Variants in GALNT13 observed in about 807,000 individuals in gnomAD.
GALNT13 encodes the protein polypeptide N-acetylgalactosaminyltransferase 13.
Under a neutral mutation model 64.2 loss-of-function variants are expected in GALNT13, and 28 were observed. The observed-to-expected ratio is 0.44, with a 90% confidence interval of 0.32 to 0.60. The LOEUF is 0.60. GALNT13 is among the 20% of genes least tolerant of loss of function. GALNT13 has a pLI of 0.05. For missense variants in GALNT13, 577 were observed against 669.8 expected (o/e 0.86, Z 1.53); for synonymous variants, 214 against 224.6 (o/e 0.95, Z 0.42).
intron 1 of GALNT13, among the ~76,000 whole-genome samples, chr2:153,895,466 T>C (rs1017917555): frequency 1.3e-5 from 2 of 152,174 alleles, no homozygotes; most frequent in Admixed American, 1.3e-4. Context: ...ATTTCAGTGT[T>C]ACCTTTTTGT....
At chr2:153,702,263 C>T in the GALNT13 span, among the ~76,000 whole-genome samples, 2 of 152,114 alleles carry the variant, frequency 1.3e-5, no homozygotes, top group Non-Finnish European at 2.9e-5. Flanking sequence ...CCAAACACCA[C>T]ATATTCTCAC....
chr2:153,309,135 A>C, the GALNT13 span, among the ~76,000 whole-genome samples: 5 of 152,146 alleles, frequency 3.3e-5, no homozygotes, highest in African/African-American at 1.2e-4. Context: ...TTCTGAAGCT[A>C]TTATCAGAGA....
At chr2:153,685,406 C>G in the GALNT13 span, among the ~76,000 whole-genome samples, 2 of 152,050 alleles carry the variant, frequency 1.3e-5, no homozygotes, top group African/African-American at 2.4e-5. Flanking sequence ...TTGCATTTCT[C>G]TAATGATCAG....
At chr2:153,206,506 A>T in the GALNT13 span, among the ~76,000 whole-genome samples, 3 of 152,056 alleles carry the variant, frequency 2.0e-5, no homozygotes, top group African/African-American at 7.2e-5. Flanking sequence ...TTAGTTCCAG[A>T]TATTCATAGT....
the GALNT13 span, among the ~76,000 whole-genome samples, chr2:153,278,531 A>G: frequency 5.9e-5 from 9 of 152,190 alleles, 1 homozygote; most frequent in Middle Eastern, 3.4e-3. Flanking sequence ...GAATTTTCGT[A>G]TATAGTGAAA....
chr2:153,531,690 G>A, the GALNT13 span, among the ~76,000 whole-genome samples: 2 of 152,070 alleles, frequency 1.3e-5, no homozygotes, highest in South Asian at 2.1e-4. Context: ...TTGCCTATGA[G>A]CCTGTAAAAT....
the GALNT13 span, among the ~76,000 whole-genome samples, chr2:153,441,088 A>G: frequency 6.6e-6 from 1 of 152,122 alleles, no homozygotes; most frequent in Non-Finnish European, 1.5e-5. Flanking sequence ...TAGGTTTTGC[A>G]TTGAAGTCTT....
chr2:154,416,992 T>C (rs1014006200), intron 11 of GALNT13, among the ~76,000 whole-genome samples: 2 of 152,182 alleles, frequency 1.3e-5, no homozygotes, highest in African/African-American at 4.8e-5. Context: ...CTTTCATCTT[T>C]TACATTTTTC....
chr2:153,633,354 T>G, the GALNT13 span, among the ~76,000 whole-genome samples: 1 of 152,174 alleles, frequency 6.6e-6, no homozygotes, highest in Non-Finnish European at 1.5e-5. Flanking sequence ...AAGCTACACA[T>G]AAAATAAGAC....
At chr2:154,022,030 G>A (rs1450682288) in intron 3 of GALNT13, among the ~76,000 whole-genome samples, 3 of 152,130 alleles carry the variant, frequency 2.0e-5, no homozygotes, top group Admixed American at 6.5e-5. Flanking sequence ...TGTTGAACCA[G>A]CCTTGCATCC....
At chr2:153,772,003 TC>T in the GALNT13 span, among the ~76,000 whole-genome samples, 1 of 152,148 alleles carries the variant, frequency 6.6e-6, no homozygotes, top group African/African-American at 2.4e-5. Context: ...AAGTCACAAA[TC>T]TGTCTCTGGC....
At chr2:154,168,855 TA>T (rs1685188602) in intron 4 of GALNT13, among the ~76,000 whole-genome samples, 1 of 151,252 alleles carries the variant, frequency 6.6e-6, no homozygotes, top group Admixed American at 6.6e-5. Flanking sequence ...AATAAATAAA[TA>T]AAAAAGAGAA....
chr2:154,029,320 A>G lies in GALNT13; in HGVS notation c.142+84681A>G, dbSNP rs79424900. On this transcript the variant is annotated intron_variant, in intron 3 of 12. Coordinates refer to ENST00000392825, the MANE Select transcript of GALNT13 (RefSeq NM_052917.4). Reference sequence around the variant, plus strand: ...CCTGGATCCTTCTCCCCTTCCCCCTACAGAAGAAAAGCCTTAAACTGCTAA... The same window carrying G: ...CCTGGATCCTTCTCCCCTTCCCCCTGCAGAAGAAAAGCCTTAAACTGCTAA... 3.3e-3 allele frequency among the ~76,000 whole-genome samples: 505 copies of G among 151,984 alleles called. 1 individual carries two copies. Among genetic ancestry groups the G allele is most frequent in the African/African-American group, 0.012 (482 of 41,484 alleles).
At chr2:154,229,381 T>A (rs1213040483) in intron 4 of GALNT13, among the ~76,000 whole-genome samples, 1 of 151,726 alleles carries the variant, frequency 6.6e-6, no homozygotes, top group East Asian at 1.9e-4. Flanking sequence ...TTTTAAAAAT[T>A]CTATGGGTGA....
At chr2:154,407,370 A>G (rs1036620078) in intron 10 of GALNT13, among the ~76,000 whole-genome samples, 1 of 152,154 alleles carries the variant, frequency 6.6e-6, no homozygotes, top group African/African-American at 2.4e-5. Flanking sequence ...AAAGTCAATA[A>G]AATCTGATGT....
chr2:153,691,696 A>G, the GALNT13 span, among the ~76,000 whole-genome samples: 1 of 152,252 alleles, frequency 6.6e-6, no homozygotes, highest in South Asian at 2.1e-4. Context: ...TGATCCCACT[A>G]TACACATACC....
the GALNT13 span, among the ~76,000 whole-genome samples, chr2:153,684,014 C>A: frequency 2.0e-5 from 3 of 151,406 alleles, no homozygotes; most frequent in African/African-American, 7.3e-5. Context: ...ATGGGAATTT[C>A]AGGGAAATTA....
the GALNT13 span, among the ~76,000 whole-genome samples, chr2:153,318,838 GA>G: frequency 1.0e-3 from 153 of 152,304 alleles, no homozygotes; most frequent in African/African-American, 3.5e-3. Flanking sequence ...TAAAATGGGG[GA>G]AAGTTAGCAT....
the GALNT13 span, among the ~76,000 whole-genome samples, chr2:153,266,151 C>T: frequency 6.6e-6 from 1 of 152,054 alleles, no homozygotes; most frequent in East Asian, 1.9e-4. Flanking sequence ...TTACCAAGCC[C>T]ACAATATTTC....
Sources: gnomAD v4.1 joint callset for allele counts (sites outside exome capture counted in the v4.1 genomes callset) on GRCh38, gnomAD v4.1.1 for gene constraint, MANE v1.5 for transcripts, NCBI Gene and HGNC (gene_info 2026-07-23, HGNC 2026-07-21) for gene names.